The following PTPRE variants were observed in gnomAD, a reference collection of about 807,000 sequenced individuals.
The protein encoded by PTPRE is protein tyrosine phosphatase receptor type E.
In PTPRE, 51 loss-of-function variants were observed where a neutral mutation model predicts 102.0. That is an observed-to-expected ratio of 0.50 (90% CI 0.40 to 0.63). The LOEUF is 0.63. Among genes scored for constraint, PTPRE ranks in the 30% least tolerant of loss-of-function variants. The pLI is 0.00. For synonymous variants in PTPRE, 345 were observed against 348.2 expected (o/e 0.99, Z 0.10); for missense variants, 752 against 915.1 (o/e 0.82, Z 2.30).
rs1471054224 is a variant in PTPRE at position 128,084,514 on chromosome 10, C to T, written c.*1608C>T. The T allele has an allele frequency of 1.3e-5, 2 of 152,358 alleles. No individual in the cohort carries two copies. Among genetic ancestry groups the T allele is most frequent in the African/African-American group, 4.8e-5 (2 of 41,456 alleles). The allele number at this position is 152,358 out of a possible 1,614,324, so 9.4% of individuals were successfully genotyped here. ...CTCTGAGCCCCATCCAAGGGCAAGA[C>T]TTGGTGCCCAGCTGGAAGGACGAAA... is the stretch of plus-strand genomic sequence containing the variant. On this transcript the variant is annotated 3_prime_UTR_variant, in exon 21 of 21. Transcript: ENST00000254667.
chr10:127,946,684 TGCATAGAG>T (rs1377828025), intron 1 of PTPRE, among the ~76,000 whole-genome samples: 17 of 152,080 alleles, frequency 1.1e-4, no homozygotes, highest in Admixed American at 3.9e-4. Flanking sequence ...TCACAAAGAC[TGCATAGAG>T]GCATAGAGTG....
chr10:128,079,626 G>A lies in PTPRE; in HGVS notation c.1959G>A (p.Glu653=), dbSNP rs1851529841. The A allele has an allele frequency of 1.2e-6, 2 of 1,614,036 alleles. No individual in the cohort carries two copies. Residue 653 remains glutamate, a synonymous_variant, in exon 20 of 21, where the codon GAG becomes GAA. Transcript: ENST00000254667. ...LSNILERVKA[E]GLLDVFQAVK... ...ACATTTTGGAGCGAGTAAAAGCCGA[G>A]GGACTTTTAGATGTATTTCAAGCTG...
At chr10:127,942,425 G>A (rs1004972704) in intron 1 of PTPRE, among the ~76,000 whole-genome samples, 6 of 152,222 alleles carry the variant, frequency 3.9e-5, no homozygotes, top group Admixed American at 1.3e-4. Flanking sequence ...GCCTTTGTGG[G>A]CACTCAACTT....
At chr10:127,939,288 G>T (rs1423429015) in intron 1 of PTPRE, among the ~76,000 whole-genome samples, 2 of 152,208 alleles carry the variant, frequency 1.3e-5, no homozygotes, top group Non-Finnish European at 2.9e-5. Flanking sequence ...GAATCCTCTG[G>T]TTTTTCATCA....
chr10:127,920,180 G>A (rs1433659428), intron 1 of PTPRE, among the ~76,000 whole-genome samples: 1 of 152,186 alleles, frequency 6.6e-6, no homozygotes, highest in Non-Finnish European at 1.5e-5. Flanking sequence ...AGTGCGTGGA[G>A]CCTGGGAAGC....
At chr10:127,936,729 T>C (rs1022674438) in intron 1 of PTPRE, among the ~76,000 whole-genome samples, 6 of 152,120 alleles carry the variant, frequency 3.9e-5, no homozygotes, top group African/African-American at 1.4e-4. Flanking sequence ...CATGAATTAT[T>C]CTAATGGTAG....
chr10:128,005,194 C>T (rs188735883), intron 2 of PTPRE, among the ~76,000 whole-genome samples: 153 of 152,346 alleles, frequency 1.0e-3, no homozygotes, highest in African/African-American at 3.0e-3. Context: ...GTCATCTTTT[C>T]ACTTTGCTGA....
chr10:127,977,793 G>C (rs536781323), intron 1 of PTPRE, among the ~76,000 whole-genome samples: 15 of 152,302 alleles, frequency 9.8e-5, no homozygotes, highest in African/African-American at 3.4e-4. Context: ...GACCTTGCCT[G>C]CCCCTGCCCC....
intron 17 of PTPRE, among the ~76,000 whole-genome samples, chr10:128,075,836 A>C (rs1435836454): frequency 3.3e-5 from 5 of 152,298 alleles, no homozygotes; most frequent in African/African-American, 1.2e-4. Context: ...TGTGGATGAC[A>C]TATTTCCTCT....
chr10:128,073,496 C>G (rs373470163), intron 17 of PTPRE, 25 bp downstream of exon 17: 81 of 1,600,116 alleles, frequency 5.1e-5, no homozygotes, highest in Non-Finnish European at 6.6e-5. Flanking sequence ...CCAGCCCGGT[C>G]CCTCCAGGGC....
chr10:128,069,671 C>T, intron 12 of PTPRE, 21 bp from the exon 13 acceptor site: 1 of 1,613,730 alleles, frequency 6.2e-7, no homozygotes, highest in Non-Finnish European at 8.5e-7. Flanking sequence ...CACGACGCAG[C>T]ATCTTTCTCT....
chr10:128,017,503 G>A (rs1845532666), intron 2 of PTPRE, among the ~76,000 whole-genome samples: 1 of 152,062 alleles, frequency 6.6e-6, no homozygotes, highest in African/African-American at 2.4e-5. Context: ...GGAGTGGAAG[G>A]TACAGAATTT....
intron 10 of PTPRE, among the ~76,000 whole-genome samples, chr10:128,064,006 G>A (rs764990892): frequency 2.6e-5 from 4 of 152,240 alleles, no homozygotes; most frequent in Non-Finnish European, 5.9e-5. Context: ...AGTGGGAGCC[G>A]TGTGTCCTGC....
intron 2 of PTPRE, among the ~76,000 whole-genome samples, chr10:127,984,604 G>A (rs1460402060): frequency 6.6e-6 from 1 of 152,146 alleles, no homozygotes; most frequent in Non-Finnish European, 1.5e-5. Context: ...ATCTCATCTT[G>A]AATTGTACTC....
At chr10:128,045,218 G>C (rs758185009) in intron 3 of PTPRE, among the ~76,000 whole-genome samples, 1 of 152,258 alleles carries the variant, frequency 6.6e-6, no homozygotes, top group Non-Finnish European at 1.5e-5. Flanking sequence ...CCGTGTGCAC[G>C]GCCCCTTTCT....
intron 2 of PTPRE, among the ~76,000 whole-genome samples, chr10:128,038,595 G>A (rs1208153551): frequency 6.8e-6 from 1 of 147,520 alleles, no homozygotes; most frequent in African/African-American, 2.5e-5. Context: ...CTCATAGGTG[G>A]GAATTGAACA....
chr10:127,930,777 A>G (rs1272429259), intron 1 of PTPRE, among the ~76,000 whole-genome samples: 3 of 149,414 alleles, frequency 2.0e-5, no homozygotes, highest in Admixed American at 6.7e-5. Context: ...CCAGTTATTT[A>G]TTTTTTATTT....
intron 1 of PTPRE, among the ~76,000 whole-genome samples, chr10:127,977,975 C>A (rs1338310797): frequency 6.6e-6 from 1 of 152,220 alleles, no homozygotes; most frequent in East Asian, 1.9e-4. Context: ...TGTGGCCAGG[C>A]TGGTCCAGGC....
At chr10:127,974,516 C>T (rs879573014) in intron 1 of PTPRE, among the ~76,000 whole-genome samples, 18 of 152,198 alleles carry the variant, frequency 1.2e-4, no homozygotes, top group African/African-American at 3.6e-4. Flanking sequence ...GGGCTTGCCA[C>T]GACCTAGCAC....
Sources: gnomAD v4.1 joint callset for allele counts (sites outside exome capture counted in the v4.1 genomes callset) on GRCh38, gnomAD v4.1.1 for gene constraint, MANE v1.5 for transcripts, NCBI Gene and HGNC (gene_info 2026-07-23, HGNC 2026-07-21) for gene names.